Variants in NAA35 observed in about 807,000 individuals in gnomAD.
NAA35 encodes MAK10 homolog, amino-acid N-acetyltransferase subunit.
Under a neutral mutation model 101.7 loss-of-function variants are expected in NAA35, and 18 were observed. That is an observed-to-expected ratio of 0.18 (90% CI 0.12 to 0.26). The LOEUF (loss-of-function observed/expected upper bound fraction) is 0.26. Ranked by LOEUF, NAA35 falls within the 10% of genes least tolerant of loss-of-function variation. The pLI is 1.00. For missense variants in NAA35, 601 were observed against 886.8 expected (o/e 0.68, Z 4.09); for synonymous variants, 267 against 273.1 (o/e 0.98, Z 0.22).
intron 13 of NAA35, among the ~76,000 whole-genome samples, chr9:86,006,294 A>T (rs1246679249): frequency 6.6e-6 from 1 of 152,176 alleles, no homozygotes; most frequent in Non-Finnish European, 1.5e-5. Flanking sequence ...CATGCAGCTC[A>T]CACTCCTAGT....
intron 6 of NAA35, among the ~76,000 whole-genome samples, chr9:85,972,073 C>T (rs1830021566): frequency 6.6e-6 from 1 of 152,182 alleles, no homozygotes. Flanking sequence ...ATTCTTATTA[C>T]TGAGGTTTAT....
chr9:85,990,452 A>G (rs906883154), intron 11 of NAA35, among the ~76,000 whole-genome samples: 3 of 152,228 alleles, frequency 2.0e-5, no homozygotes, highest in African/African-American at 7.2e-5. Flanking sequence ...ATTGTTTATT[A>G]TTGGTAAGAA....
chr9:85,977,086 A>G (rs1830242059), intron 9 of NAA35, among the ~76,000 whole-genome samples: 1 of 152,150 alleles, frequency 6.6e-6, no homozygotes, highest in South Asian at 2.1e-4. Context: ...CCTTTTTAAA[A>G]TGCAGATAAC....
At chr9:85,989,461 ACT>A (rs1054422708) in intron 11 of NAA35, among the ~76,000 whole-genome samples, 7 of 151,916 alleles carry the variant, frequency 4.6e-5, no homozygotes, top group Non-Finnish European at 1.0e-4. Flanking sequence ...ACAGAGTGAG[ACT>A]CTGTCAAAAA....
intron 11 of NAA35, among the ~76,000 whole-genome samples, chr9:85,994,967 A>G (rs746194156): frequency 1.1e-4 from 16 of 152,196 alleles, no homozygotes; most frequent in Non-Finnish European, 2.2e-4. Flanking sequence ...CATTGTGTAC[A>G]TGTATCAAAA....
rs1832334358 is a variant in NAA35, at chr9:86,018,299, G to A, written c.1818G>A (p.Lys606=). 2 of 1,613,946 alleles carry A rather than the reference G, an allele frequency of 1.2e-6. No homozygotes were observed. The highest frequency in any genetic ancestry group is 1.7e-6 in the Non-Finnish European group (2 of 1,179,884). ...FDMDGKVRKP[K]FELDSEQVRY... ...TGGACGGCAAAGTACGTAAACCGAA[G>A]TTTGAGCTTGATAGTGAACAAGTTC... The change falls in exon 20 of 23, where the codon AAG becomes AAA. Residue 606 remains lysine (K), a synonymous_variant. Transcript: ENST00000361671.
intron 4 of NAA35, among the ~76,000 whole-genome samples, 184 bp downstream of exon 4, chr9:85,958,770 A>G (rs1829383065): frequency 6.6e-6 from 1 of 152,206 alleles, no homozygotes; most frequent in African/African-American, 2.4e-5. Flanking sequence ...GTCTTCATTA[A>G]AATCTTGCTC....
intron 2 of NAA35, among the ~76,000 whole-genome samples, chr9:85,952,958 C>G (rs940144821): frequency 6.6e-6 from 1 of 152,142 alleles, no homozygotes; most frequent in Admixed American, 6.5e-5. Context: ...TGCCCATGAT[C>G]CCAGCACTTT....
intron 4 of NAA35, among the ~76,000 whole-genome samples, chr9:85,959,046 G>A (rs769800195): frequency 8.5e-5 from 13 of 152,062 alleles, no homozygotes; most frequent in Non-Finnish European, 1.6e-4. Flanking sequence ...TTTACAAATA[G>A]TATAGTTAAC....
intron 15 of NAA35, among the ~76,000 whole-genome samples, chr9:86,011,922 TATA>T (rs901536806): frequency 5.8e-5 from 8 of 138,552 alleles, no homozygotes; most frequent in East Asian, 3.9e-4. Flanking sequence ...TTATATATCA[TATA>T]ATATATACTA....
chr9:86,008,096 A>G (rs957449861), intron 14 of NAA35, among the ~76,000 whole-genome samples: 8 of 152,126 alleles, frequency 5.3e-5, no homozygotes, highest in Non-Finnish European at 1.0e-4. Flanking sequence ...GCATGTACAT[A>G]ATGTTGCTCA....
intron 2 of NAA35, among the ~76,000 whole-genome samples, chr9:85,955,360 A>ATATATATTTTTT (rs749448250): frequency 1.9e-5 from 1 of 53,930 alleles, no homozygotes; most frequent in South Asian, 1.3e-3. Context: ...ATATATATAT[A>ATATATATTTTTT]TTTTTTTTTT....
At chr9:85,951,983 C>T (rs543467299) in intron 2 of NAA35, among the ~76,000 whole-genome samples, 19 of 152,218 alleles carry the variant, frequency 1.2e-4, no homozygotes, top group African/African-American at 3.9e-4. Flanking sequence ...AATGTTAACA[C>T]GTTTCATTAT....
intron 15 of NAA35, among the ~76,000 whole-genome samples, chr9:86,010,881 C>G (rs1027574887): frequency 6.6e-6 from 1 of 151,116 alleles, no homozygotes; most frequent in Non-Finnish European, 1.5e-5. Context: ...CTGGCCTAAC[C>G]TTAGAATATT....
At chr9:85,951,916 G>A (rs180684437) in intron 2 of NAA35, among the ~76,000 whole-genome samples, 70 of 152,176 alleles carry the variant, frequency 4.6e-4, no homozygotes, top group Middle Eastern at 6.8e-3. Flanking sequence ...TGCCTTGGCC[G>A]CCTCCCAAAA....
intron 11 of NAA35, among the ~76,000 whole-genome samples, chr9:85,988,803 A>G (rs1830769982): frequency 6.6e-6 from 1 of 152,134 alleles, no homozygotes; most frequent in African/African-American, 2.4e-5. Flanking sequence ...TCTCGAAAAA[A>G]AAAAAAGGAC....
At chr9:85,949,363 C>T (rs1459359832) in intron 2 of NAA35, among the ~76,000 whole-genome samples, 1 of 150,518 alleles carries the variant, frequency 6.6e-6, no homozygotes, top group Admixed American at 6.6e-5. Context: ...GGCGCAATCT[C>T]GGCTCACCGC....
At chr9:85,972,846 A>G (rs938298982) in intron 6 of NAA35, among the ~76,000 whole-genome samples, 1 of 152,188 alleles carries the variant, frequency 6.6e-6, no homozygotes, top group East Asian at 1.9e-4. Flanking sequence ...TCTAAGTCCT[A>G]TAGGTGAAGT....
At chr9:85,994,578 A>G (rs1831075666) in intron 11 of NAA35, among the ~76,000 whole-genome samples, 1 of 152,212 alleles carries the variant, frequency 6.6e-6, no homozygotes, top group Non-Finnish European at 1.5e-5. Flanking sequence ...CTGACTATAA[A>G]TTGCCTATGT....
Sources: gnomAD v4.1 joint callset for allele counts (sites outside exome capture counted in the v4.1 genomes callset) on GRCh38, gnomAD v4.1.1 for gene constraint, MANE v1.5 for transcripts, NCBI Gene and HGNC (gene_info 2026-07-23, HGNC 2026-07-21) for gene names.